The following SMARCD3 variants were observed in gnomAD, a reference collection of about 807,000 sequenced individuals.
SMARCD3 encodes the protein SWI/SNF-related matrix-associated actin-dependent regulator of chromatin subfamily D member 3.
SMARCD3 carries 14 observed loss-of-function variants against 58.0 expected under a neutral mutation model. The observed-to-expected ratio is 0.24, with a 90% CI of 0.16 to 0.38. SMARCD3 has a LOEUF of 0.38. Among genes scored for constraint, SMARCD3 ranks in the 10% least tolerant of loss-of-function variants. The probability of loss-of-function intolerance (pLI) is 1.00; values close to 1 mark genes in which losing one functional copy is unlikely to be tolerated. For synonymous variants in SMARCD3, 253 were observed against 253.8 expected (o/e 1.00, Z 0.03); for missense variants, 408 against 636.9 (o/e 0.64, Z 3.87).
chr7:151,267,849 C>A (rs1795047646), intron 2 of SMARCD3, among the ~76,000 whole-genome samples: 1 of 152,120 alleles, frequency 6.6e-6, no homozygotes, highest in Non-Finnish European at 1.5e-5. Context: ...TGGTGGTGCA[C>A]ACCTGTAGTT....
intron 9 of SMARCD3, 43 bp from the exon 10 acceptor site, chr7:151,240,290 A>AC (rs1802908000): frequency 2.1e-6 from 3 of 1,437,302 alleles, no homozygotes; most frequent in South Asian, 2.4e-5. Context: ...ATGCCCCCAT[A>AC]CGGCCCCAGG....
rs1432468569 is a variant in SMARCD3 at position 151,240,259 on chromosome 7, G to T, written c.1038-12C>A. On this transcript the variant is annotated splice_polypyrimidine_tract_variant and intron_variant, in intron 9 of 12. Transcript: ENST00000262188. Reference sequence around the variant, plus strand: ...CTGAAGGGTCCACGCTGCCAGGGAAGTCCAGCCCTTCGTGTCCACGATGCC... The same window carrying T: ...CTGAAGGGTCCACGCTGCCAGGGAATTCCAGCCCTTCGTGTCCACGATGCC... 6.2e-7 allele frequency: 1 copy of T among 1,611,012 alleles called. No individual in the cohort carries two copies. Among genetic ancestry groups the T allele is most frequent in the Non-Finnish European group, 8.5e-7 (1 of 1,179,294 alleles).
At chr7:151,244,636 G>A (rs752646938) in intron 2 of SMARCD3, among the ~76,000 whole-genome samples, 10 of 152,168 alleles carry the variant, frequency 6.6e-5, no homozygotes, top group African/African-American at 2.2e-4. Context: ...ACCATTTGCT[G>A]TACAAAATGA....
At chr7:151,240,651 G>T in intron 8 of SMARCD3, 129 bp from the exon 9 acceptor site, 8 of 589,020 alleles carry the variant, frequency 1.4e-5, no homozygotes, top group East Asian at 7.4e-5. Context: ...TGCGCATGGG[G>T]ATGGGATTGG....
chr7:151,242,697 C>T lies in SMARCD3; in HGVS notation c.456+24G>A, dbSNP rs1309046978. 14 of 1,613,912 alleles carry T rather than the reference C, an allele frequency of 8.7e-6. No homozygotes were observed. The highest frequency in any genetic ancestry group is 1.2e-5 in the Non-Finnish European group (14 of 1,179,976). On this transcript the variant is annotated intron_variant, in intron 4 of 12. Transcript: ENST00000262188. This position sits in a 1 kb window ranked among gnomAD's most constrained non-coding sequence, Gnocchi z 4.7. ...CCTGGTCACACAACTCTAGAGTCCC[C>T]TTCCTACCCCCGAACTAAGGCACCT...
intron 2 of SMARCD3, among the ~76,000 whole-genome samples, chr7:151,272,912 C>A (rs1217387425): frequency 6.6e-6 from 1 of 152,204 alleles, no homozygotes; most frequent in Admixed American, 6.5e-5. Context: ...GGGAAGTCCA[C>A]TCATCCCCGA....
chr7:151,248,756 C>A, upstream of SMARCD3: 1 of 748,872 alleles, frequency 1.3e-6, no homozygotes, highest in Non-Finnish European at 1.7e-6. This position sits in a 1 kb window ranked among gnomAD's most constrained non-coding sequence, Gnocchi z 6.1. Context: ...GCCGCCCGCC[C>A]GCCGCCGCCG....
intron 2 of SMARCD3, among the ~76,000 whole-genome samples, chr7:151,244,782 T>G (rs963356169): frequency 1.3e-5 from 2 of 152,212 alleles, no homozygotes; most frequent in African/African-American, 4.8e-5. Context: ...AAAAAAAGCA[T>G]GTGTATTTGG....
chr7:151,259,701 C>T (rs748606110), intron 2 of SMARCD3, among the ~76,000 whole-genome samples: 33 of 149,264 alleles, frequency 2.2e-4, no homozygotes, highest in Admixed American at 5.4e-4. Context: ...CCTCTGCCTC[C>T]TGGATTCAAG....
In SMARCD3 at chr7:151,248,037, T is replaced by C. The variant is rs1218225296; in HGVS notation, c.78+448A>G. On this transcript the variant is annotated intron_variant, in intron 1 of 12. Transcript: ENST00000262188. The surrounding 1 kb of genome is among the most constrained non-coding windows in gnomAD (Gnocchi z 6.1). ...CCGCTACAGTGCCTCCAGGGTCACC[T>C]GCTCCTTGCTCCGGAGACACAAGCA... Among the ~76,000 whole-genome samples the C allele has an allele frequency of 6.6e-6, 1 of 152,118 alleles. No homozygotes were observed. The highest frequency in any genetic ancestry group is 1.9e-4 in the East Asian group (1 of 5,166).
rs747141473 is a variant in SMARCD3, at chr7:151,248,588, A to ACT, written c.-28_-27dup. ...CGGGGTGGGCTCAGCGGCTCCTCTCACTCTCTCTCTCTCTTCCTCTTTCTT... is the reference window on the plus strand; with the variant it reads ...CGGGGTGGGCTCAGCGGCTCCTCTCACTCTCTCTCTCTCTCTTCCTCTTTCTT... On this transcript the variant is annotated 5_prime_UTR_variant, in exon 1 of 13. Transcript: ENST00000262188. This position sits in a 1 kb window ranked among gnomAD's most constrained non-coding sequence, Gnocchi z 6.1. 170 of 1,582,026 alleles carry ACT rather than the reference A, an allele frequency of 1.1e-4. No homozygotes were observed. In the South Asian group the frequency reaches 1.3e-3, roughly 12 times the overall value.
At position 151,239,651 on chromosome 7, in the gene SMARCD3, C is replaced by G; in HGVS notation, c.1269G>C (p.Leu423=). 6.2e-7 allele frequency: 1 copy of G among 1,614,110 alleles called. No individual in the cohort carries two copies. Among genetic ancestry groups the G allele is most frequent in the African/African-American group, 1.3e-5 (1 of 75,024 alleles). The change falls in exon 11 of 13, where the codon CTG becomes CTC. Residue 423 remains leucine, a synonymous_variant. Transcript: ENST00000262188. This position sits in a 1 kb window ranked among gnomAD's most constrained non-coding sequence, Gnocchi z 7.0. ...TGAGGTCCCGGCTCTGGGAGCGGAG[C>G]AGGTCTTGGACATAGCCTTTGGGGT... is the stretch of plus-strand genomic sequence containing the variant. ...SRDPKGYVQD[L]LRSQSRDLKV...
Position 151,239,410 on chromosome 7 carries a change from A to G in SMARCD3, c.1384T>C (p.Tyr462His). 6.2e-7 allele frequency: 1 copy of G among 1,613,290 alleles called. No homozygotes were observed. The highest frequency in any genetic ancestry group is 8.5e-7 in the Non-Finnish European group (1 of 1,179,490). The change falls in exon 12 of 13, where the codon TAC (tyrosine) becomes CAC (histidine). Residue 462 changes from tyrosine (Y) to histidine (H), a missense_variant. Transcript: ENST00000262188. This position sits in a 1 kb window ranked among gnomAD's most constrained non-coding sequence, Gnocchi z 7.0. Reference sequence around the variant, plus strand: ...TCCCTGCATACCTTGCAGTAGAAGTAGCGACTGACGGCCTCCTGGGACCAG... The same window carrying G: ...TCCCTGCATACCTTGCAGTAGAAGTGGCGACTGACGGCCTCCTGGGACCAG... ...QPWSQEAVSR[Y>H]FYCKIQQRRQ...
Position 151,240,195 on chromosome 7 carries a change from C to T in SMARCD3, c.1090G>A (p.Val364Met), listed in dbSNP as rs1360499019. ...KTACYDIDVE[V>M]EEPLKGQMSS... ...ATCTGCCCCTTTAATGGCTCCTCCACCTCCACGTCAATGTCATAGCACGCC... is the reference window on the plus strand; with the variant it reads ...ATCTGCCCCTTTAATGGCTCCTCCATCTCCACGTCAATGTCATAGCACGCC... Residue 364 changes from valine to methionine, a missense_variant, in exon 10 of 13, where the codon GTG becomes ATG. By Grantham distance (21) the Val-to-Met change is conservative (BLOSUM62 1). Coordinates refer to ENST00000262188, the MANE Select transcript of SMARCD3 (RefSeq NM_001003801.2). The T allele has an allele frequency of 1.9e-6, 3 of 1,614,144 alleles. No individual in the cohort carries two copies. The highest frequency in any genetic ancestry group is 3.3e-5 in the Admixed American group (2 of 60,020).
chr7:151,245,464 G>T lies in SMARCD3; in HGVS notation c.286C>A (p.Arg96Ser). 1 of 1,214,224 alleles carries T rather than the reference G, an allele frequency of 8.2e-7. No homozygotes were observed. The highest frequency in any genetic ancestry group is 1.0e-6 in the Non-Finnish European group (1 of 973,496). The allele number at this position is 1,214,224 out of a possible 1,614,324, so 75.2% of individuals were successfully genotyped here. ...CTCGCCGGGCCTCCCACTCACCTGC[G>T]GCTCCGCGCGGGGGCGGTGGGCACC... ...QPVPTAPARSRSAKRRKMADK... is the reference protein window; with the variant it reads ...QPVPTAPARSSSAKRRKMADK... The change falls in exon 2 of 13, where the codon CGC becomes AGC. Residue 96 changes from arginine to serine, a missense_variant. Arg to Ser is a moderately radical substitution (Grantham distance 110). Coordinates refer to ENST00000262188, the MANE Select transcript of SMARCD3 (RefSeq NM_001003801.2). This position sits in a 1 kb window ranked among gnomAD's most constrained non-coding sequence, Gnocchi z 6.2.
rs908490115 is a variant in SMARCD3, at chr7:151,245,791, G to C, written c.79-120C>G. ...CACCAGACCCTCGGCTGGTGACCCTGAGCGTTGAGCGATGGGTGGGAGCGA... is the reference window on the plus strand; with the variant it reads ...CACCAGACCCTCGGCTGGTGACCCTCAGCGTTGAGCGATGGGTGGGAGCGA... On this transcript the variant is annotated intron_variant, in intron 1 of 12. Coordinates refer to ENST00000262188, the MANE Select transcript of SMARCD3 (RefSeq NM_001003801.2). This position sits in a 1 kb window ranked among gnomAD's most constrained non-coding sequence, Gnocchi z 6.2. The C allele has an allele frequency of 1.8e-4, 68 of 381,134 alleles. No homozygotes were observed. The highest frequency in any genetic ancestry group is 3.7e-5 in the East Asian group (1 of 26,872). The allele number at this position is 381,134 out of a possible 1,614,324, so 23.6% of individuals were successfully genotyped here.
At chr7:151,251,476 A>G (rs988664002), upstream of SMARCD3, among the ~76,000 whole-genome samples, 2 of 152,174 alleles carry the variant, frequency 1.3e-5, no homozygotes, top group East Asian at 1.9e-4. Flanking sequence ...TAGGTGGGCG[A>G]CAGGAGGAGC....
chr7:151,249,173 C>T (rs1396352760), upstream of SMARCD3, among the ~76,000 whole-genome samples: 1 of 151,996 alleles, frequency 6.6e-6, no homozygotes, highest in Non-Finnish European at 1.5e-5. The surrounding 1 kb of genome is among the most constrained non-coding windows in gnomAD (Gnocchi z 4.8). Context: ...AGCAGGGAAA[C>T]ATTCGCTGGC....
upstream of SMARCD3, chr7:151,249,373 C>T (rs1312941125): frequency 6.6e-6 from 1 of 152,248 alleles, no homozygotes; most frequent in Non-Finnish European, 1.5e-5. The surrounding 1 kb of genome is among the most constrained non-coding windows in gnomAD (Gnocchi z 4.8). Context: ...GTATGTGTGC[C>T]TCCCTCCACG....
Sources: allele counts gnomAD v4.1 joint callset (sites outside exome capture counted in the v4.1 genomes callset), GRCh38; gene constraint gnomAD v4.1.1; non-coding constraint Gnocchi (gnomAD v3.1); transcripts MANE v1.5; gene names NCBI Gene and HGNC (gene_info 2026-07-23, HGNC 2026-07-21).